The following MTUS1 variants were observed in gnomAD, a reference collection of about 807,000 sequenced individuals.
MTUS1 encodes the protein microtubule associated scaffold protein 1, also known as microtubule-associated tumor suppressor 1.
Under a neutral mutation model 120.8 loss-of-function variants are expected in MTUS1, and 109 were observed. That is an observed-to-expected ratio of 0.90 (90% CI 0.77 to 1.06). MTUS1 has a LOEUF of 1.06. MTUS1 is among the 50% of genes least tolerant of loss of function. The pLI is 0.00. For synonymous variants in MTUS1, 737 were observed against 550.5 expected (o/e 1.34, Z -4.74); for missense variants, 2,210 against 1,486.3 (o/e 1.49, Z -8.01).
chr8:17,775,374 G>A (rs1021280322), intron 1 of MTUS1, among the ~76,000 whole-genome samples: 8 of 151,798 alleles, frequency 5.3e-5, no homozygotes, highest in East Asian at 1.9e-4. Flanking sequence ...GAAAAATACC[G>A]TACCACCTCC....
chr8:17,653,334 C>A, intron 11 of MTUS1, 53 bp from the exon 12 acceptor site: 1 of 1,482,318 alleles, frequency 6.7e-7, no homozygotes. Flanking sequence ...CCCAGAAACT[C>A]AGCATACGTA....
At chr8:17,696,223 G>C (rs1354756439) in intron 6 of MTUS1, among the ~76,000 whole-genome samples, 1 of 152,104 alleles carries the variant, frequency 6.6e-6, no homozygotes, top group Non-Finnish European at 1.5e-5. Flanking sequence ...AAAATCAAAT[G>C]ACAGGTCAAG....
intron 3 of MTUS1, among the ~76,000 whole-genome samples, chr8:17,738,467 G>T (rs780699160): frequency 7.2e-5 from 11 of 152,222 alleles, no homozygotes; most frequent in Admixed American, 5.9e-4. Context: ...GCCTCCAAAA[G>T]AGAGTGAAGG....
At chr8:17,668,576 AAG>A (rs1811389780) in intron 8 of MTUS1, among the ~76,000 whole-genome samples, 1 of 152,276 alleles carries the variant, frequency 6.6e-6, no homozygotes, top group Non-Finnish European at 1.5e-5. Flanking sequence ...AAATGTATCC[AAG>A]AGAGTTACAG....
At position 17,656,441 on chromosome 8, in the gene MTUS1, T is replaced by C. The variant is rs371467938; in HGVS notation, c.2906-376A>G. ...TACTCGGGAGGGTGAGGCAGGAGAA[T>C]TGCTTGAACCCGGGAGGCGGAGGTT... On this transcript the variant is annotated intron_variant, in intron 8 of 14. Coordinates refer to ENST00000693296, the MANE Select transcript of MTUS1 (RefSeq NM_001363059.2). Among the ~76,000 whole-genome samples, 8 of 151,588 alleles carry C rather than the reference T, an allele frequency of 5.3e-5. No homozygotes were observed. The East Asian group carries it at 7.8e-4, about 15-fold the overall frequency.
intron 4 of MTUS1, among the ~76,000 whole-genome samples, chr8:17,721,448 TTGA>T (rs760142264): frequency 6.6e-6 from 1 of 152,158 alleles, no homozygotes; most frequent in South Asian, 2.1e-4. Flanking sequence ...CAAAAAGTCT[TTGA>T]TAATAGGATA....
At chr8:17,674,378 C>T (rs1332528927) in intron 8 of MTUS1, 3 of 749,322 alleles carry the variant, frequency 4.0e-6, no homozygotes, top group South Asian at 6.1e-5. Flanking sequence ...CGAGATCGCA[C>T]CACTGCACTC....
chr8:17,709,559 A>G (rs982761943), intron 6 of MTUS1, among the ~76,000 whole-genome samples: 4 of 152,130 alleles, frequency 2.6e-5, no homozygotes, highest in African/African-American at 9.7e-5. Flanking sequence ...ACATTCTGTA[A>G]CATTACATGC....
At chr8:17,731,542 AAAT>A (rs1394531944) in intron 3 of MTUS1, among the ~76,000 whole-genome samples, 3 of 152,214 alleles carry the variant, frequency 2.0e-5, no homozygotes, top group Non-Finnish European at 2.9e-5. Flanking sequence ...ACCATAAAAA[AAAT>A]AATTAAACAT....
rs879544746 is a variant in MTUS1, at chr8:17,780,048, T to G, written c.-155+21013A>C. 2.0e-4 allele frequency among the ~76,000 whole-genome samples: 30 copies of G among 152,144 alleles called. 1 individual carries two copies. The highest frequency in any genetic ancestry group is 2.0e-3 in the Admixed American group (30 of 15,270). On this transcript the variant is annotated intron_variant, in intron 1 of 14. Coordinates refer to ENST00000693296, the MANE Select transcript of MTUS1 (RefSeq NM_001363059.2). ...GAGGTGGGGCCTGGTGGGAGATGACTGGGTTATGGGGGTGGATCCCTCATG... is the reference window on the plus strand; with the variant it reads ...GAGGTGGGGCCTGGTGGGAGATGACGGGGTTATGGGGGTGGATCCCTCATG...
intron 6 of MTUS1, among the ~76,000 whole-genome samples, chr8:17,712,526 A>G (rs773926194): frequency 9.2e-5 from 14 of 152,064 alleles, no homozygotes; most frequent in Non-Finnish European, 1.5e-4. Flanking sequence ...TTTAGTAGAG[A>G]TGGGGTTTCA....
chr8:17,663,624 C>T (rs1168164596), intron 8 of MTUS1, among the ~76,000 whole-genome samples: 1 of 146,256 alleles, frequency 6.8e-6, no homozygotes. Context: ...GAGACAGAGG[C>T]TTCCTCTATC....
chr8:17,677,834 T>G (rs1813433863), intron 7 of MTUS1, among the ~76,000 whole-genome samples: 2 of 152,222 alleles, frequency 1.3e-5, no homozygotes, highest in African/African-American at 4.8e-5. Flanking sequence ...CTCCTCCAAA[T>G]GCATAGACCA....
rs984716533 is a variant in MTUS1 at position 17,788,738 on chromosome 8, GAAC to G, written c.-155+12320_-155+12322del. On this transcript the variant is annotated intron_variant, in intron 1 of 14. Transcript: ENST00000693296. The stretch of plus-strand genomic sequence containing the variant: ...TTCTAAATACTCCTCCCAGAGGAAG[GAAC>G]AAAATAAAGCCCTTGCTCTCTTAGA... Among the ~76,000 whole-genome samples the G allele has an allele frequency of 3.2e-4, 49 of 152,106 alleles. 1 individual carries two copies. The highest frequency in any genetic ancestry group is 3.1e-4 in the Non-Finnish European group (21 of 68,010).
intron 8 of MTUS1, among the ~76,000 whole-genome samples, chr8:17,670,947 C>G (rs957349375): frequency 1.3e-5 from 2 of 152,018 alleles, no homozygotes; most frequent in Admixed American, 1.3e-4. Context: ...TCAGACAAAA[C>G]CTTTGATAAT....
intron 6 of MTUS1, among the ~76,000 whole-genome samples, chr8:17,684,889 A>T (rs943854340): frequency 6.6e-6 from 1 of 152,198 alleles, no homozygotes; most frequent in African/African-American, 2.4e-5. Context: ...CCTTGACTGA[A>T]GAGAAGCCTG....
At chr8:17,768,633 G>T (rs749969304) in intron 1 of MTUS1, among the ~76,000 whole-genome samples, 1 of 151,952 alleles carries the variant, frequency 6.6e-6, no homozygotes, top group Admixed American at 6.6e-5. Flanking sequence ...ATCTTTAAGA[G>T]CCTTTTTGCA....
At chr8:17,659,631 G>C (rs1317540673) in intron 8 of MTUS1, among the ~76,000 whole-genome samples, 2 of 152,182 alleles carry the variant, frequency 1.3e-5, no homozygotes, top group South Asian at 2.1e-4. Flanking sequence ...CCGGGAGGCA[G>C]AGGTTACAGT....
intron 3 of MTUS1, among the ~76,000 whole-genome samples, chr8:17,731,084 A>C (rs745756024): frequency 1.3e-5 from 2 of 152,368 alleles, no homozygotes; most frequent in African/African-American, 4.8e-5. Flanking sequence ...CCATACTGAC[A>C]GATTAATACG....
Sources: allele counts gnomAD v4.1 joint callset (sites outside exome capture counted in the v4.1 genomes callset), GRCh38; gene constraint gnomAD v4.1.1; transcripts MANE v1.5; gene names NCBI Gene and HGNC (gene_info 2026-07-23, HGNC 2026-07-21).